The following TMEM232 variants were observed in gnomAD, a reference collection of about 807,000 sequenced individuals.
The protein encoded by TMEM232 is transmembrane protein 232.
In TMEM232, 80 loss-of-function variants were observed where a neutral mutation model predicts 78.8. The observed-to-expected ratio is 1.01, with a 90% CI of 0.85 to 1.22. The LOEUF (loss-of-function observed/expected upper bound fraction) is 1.22, where lower values mean the gene tolerates loss of function less well. Among genes scored for constraint, TMEM232 ranks in the 50% most tolerant of loss-of-function variants. TMEM232 has a pLI of 0.00. For synonymous variants in TMEM232, 297 were observed against 254.3 expected, an observed-to-expected ratio of 1.17 and a Z score of -1.60; for missense variants, 881 against 742.2, an observed-to-expected ratio of 1.19 and a Z score of -2.17.
At chr5:110,692,439 G>T (rs533139224) in intron 1 of TMEM232, among the ~76,000 whole-genome samples, 1 of 152,208 alleles carries the variant, frequency 6.6e-6, no homozygotes, top group African/African-American at 2.4e-5. Flanking sequence ...ACTGGGGAGT[G>T]CCGGACAGTG....
chr5:110,481,252 T>C (rs1320577216), intron 12 of TMEM232, among the ~76,000 whole-genome samples: 1 of 152,128 alleles, frequency 6.6e-6, no homozygotes, highest in Non-Finnish European at 1.5e-5. Flanking sequence ...ATTGCACTGT[T>C]ATAGGTGCTA....
At chr5:110,675,013 CTATTTATTTATTTATTTATT>C (rs34606644) in intron 1 of TMEM232, among the ~76,000 whole-genome samples, 5,832 of 149,734 alleles carry the variant, frequency 0.039, 147 homozygotes, top group African/African-American at 0.041. Context: ...TGTTATTATT[CTATTTATTTATTTATTTATT>C]TATTTATTTA....
At chr5:110,425,034 A>ATAAAG (rs1757087263) in intron 12 of TMEM232, 118 bp from the exon 13 acceptor site, 1 of 802,948 alleles carries the variant, frequency 1.2e-6, no homozygotes, top group East Asian at 2.7e-5. Context: ...CATTGTTAAC[A>ATAAAG]TAAAGTATTT....
At chr5:110,735,243 T>G (rs1285170571) in intron 1 of TMEM232, among the ~76,000 whole-genome samples, 1 of 152,234 alleles carries the variant, frequency 6.6e-6, no homozygotes, top group South Asian at 2.1e-4. Context: ...TTTTGTTTGG[T>G]AGGACCATAG....
intron 12 of TMEM232, among the ~76,000 whole-genome samples, chr5:110,440,610 AAGAAG>A (rs1280914140): frequency 1.3e-5 from 2 of 152,166 alleles, no homozygotes; most frequent in African/African-American, 4.8e-5. Context: ...ACTCAATTTG[AAGAAG>A]AGAATAGATT....
At chr5:110,673,483 A>T (rs1043958410) in intron 1 of TMEM232, among the ~76,000 whole-genome samples, 4 of 152,180 alleles carry the variant, frequency 2.6e-5, no homozygotes, top group African/African-American at 9.7e-5. Context: ...TAAATAGAAT[A>T]AATGCTTTAG....
chr5:110,624,045 A>G (rs1784105391), intron 7 of TMEM232, among the ~76,000 whole-genome samples: 1 of 152,136 alleles, frequency 6.6e-6, no homozygotes, highest in African/African-American at 2.4e-5. Context: ...AAATGGATTC[A>G]TTCTTAAAGA....
chr5:110,625,891 G>A (rs1784363377), intron 6 of TMEM232, among the ~76,000 whole-genome samples: 1 of 151,636 alleles, frequency 6.6e-6, no homozygotes, highest in African/African-American at 2.4e-5. Flanking sequence ...AAAACAAGAT[G>A]TTATTATTTA....
chr5:110,514,504 C>A (rs1768305973), intron 12 of TMEM232, among the ~76,000 whole-genome samples: 1 of 151,950 alleles, frequency 6.6e-6, no homozygotes, highest in Admixed American at 6.6e-5. Context: ...CCTTCTTTTT[C>A]TATATCCTCA....
chr5:110,500,923 T>C (rs1447284191), intron 12 of TMEM232, among the ~76,000 whole-genome samples: 1 of 152,212 alleles, frequency 6.6e-6, no homozygotes, highest in African/African-American at 2.4e-5. Context: ...TCTTCCACTA[T>C]GCAAAAAGCT....
chr5:110,533,172 G>A (rs1255581863), intron 11 of TMEM232, among the ~76,000 whole-genome samples: 1 of 152,102 alleles, frequency 6.6e-6, no homozygotes, highest in African/African-American at 2.4e-5. Context: ...ACATCCATCA[G>A]TCCCAGCAGA....
At chr5:110,587,032 A>G (rs1034060479) in intron 10 of TMEM232, among the ~76,000 whole-genome samples, 6 of 152,164 alleles carry the variant, frequency 3.9e-5, no homozygotes, top group Non-Finnish European at 7.4e-5. Context: ...AAAAAGAGAA[A>G]TTAATAATAA....
chr5:110,663,621 TTA>T (rs1790106163), intron 2 of TMEM232, among the ~76,000 whole-genome samples: 1 of 151,932 alleles, frequency 6.6e-6, no homozygotes, highest in Non-Finnish European at 1.5e-5. Context: ...TATCATATGA[TTA>T]TGATGATTAT....
At chr5:110,523,805 A>T (rs113189908) in intron 12 of TMEM232, among the ~76,000 whole-genome samples, 4 of 152,018 alleles carry the variant, frequency 2.6e-5, no homozygotes, top group African/African-American at 9.6e-5. Context: ...TAAATTTTTT[A>T]AAAAACCTAG....
At chr5:110,594,935 T>G (rs1779972675) in intron 10 of TMEM232, among the ~76,000 whole-genome samples, 1 of 152,206 alleles carries the variant, frequency 6.6e-6, no homozygotes, top group South Asian at 2.1e-4. Flanking sequence ...AAGGGCAGAC[T>G]GCCCCCTCAA....
chr5:110,577,731 T>A (rs1777727442), intron 10 of TMEM232, among the ~76,000 whole-genome samples: 1 of 152,022 alleles, frequency 6.6e-6, no homozygotes, highest in Non-Finnish European at 1.5e-5. Flanking sequence ...GGGACATGGG[T>A]GGAGCTTAAG....
intron 12 of TMEM232, among the ~76,000 whole-genome samples, chr5:110,449,661 C>A (rs898822264): frequency 2.6e-5 from 4 of 152,024 alleles, no homozygotes; most frequent in Non-Finnish European, 5.9e-5. Context: ...CTCAGTGTAT[C>A]TAAAACTGAA....
At chr5:110,484,375 A>G (rs944014035) in intron 12 of TMEM232, among the ~76,000 whole-genome samples, 3 of 152,124 alleles carry the variant, frequency 2.0e-5, no homozygotes, top group African/African-American at 7.2e-5. Flanking sequence ...GCACTAAAAA[A>G]ATACCTATTT....
At chr5:110,691,304 T>G (rs409326) in intron 1 of TMEM232, among the ~76,000 whole-genome samples, 148,507 of 152,252 alleles carry the variant, frequency 0.98, 72,510 homozygotes, top group Non-Finnish European at 1. Context: ...AAATTATAAA[T>G]CCCTGTTCTG....
Sources: allele counts gnomAD v4.1 joint callset (sites outside exome capture counted in the v4.1 genomes callset), GRCh38; gene constraint gnomAD v4.1.1; transcripts MANE v1.5; gene names NCBI Gene and HGNC (gene_info 2026-07-23, HGNC 2026-07-21).